Variants in JCAD observed in about 807,000 individuals in gnomAD.
JCAD encodes the protein junctional cadherin 5 associated.
Under a neutral mutation model 98.0 loss-of-function variants are expected in JCAD, and 40 were observed. That is an observed-to-expected ratio of 0.41 (90% CI 0.32 to 0.53). The LOEUF (loss-of-function observed/expected upper bound fraction) is 0.53, where lower values mean the gene tolerates loss of function less well. Among genes scored for constraint, JCAD ranks in the 20% least tolerant of loss-of-function variants. The pLI is 0.31. For synonymous variants in JCAD, 691 were observed against 682.3 expected, an observed-to-expected ratio of 1.01 and a Z score of -0.20; for missense variants, 1,705 against 1,738.1, an observed-to-expected ratio of 0.98 and a Z score of 0.34.
intron 1 of JCAD, among the ~76,000 whole-genome samples, chr10:30,097,375 C>T (rs1007794545): frequency 6.6e-6 from 1 of 152,140 alleles, no homozygotes; most frequent in Admixed American, 6.6e-5. Context: ...CCATAAAGCC[C>T]ACACTCTAAA....
intron 1 of JCAD, among the ~76,000 whole-genome samples, chr10:30,105,884 GT>G (rs1564474335): frequency 1.3e-5 from 2 of 152,142 alleles, no homozygotes; most frequent in Admixed American, 1.3e-4. Flanking sequence ...CAATTTATGT[GT>G]AAAGATCTAA....
Position 30,029,293 on chromosome 10 carries a change from G to A in JCAD, c.855C>T (p.Pro285=). ...SEKSGCSAPF[P]RPKFGRPLKP... ...TGAGGGGCCTCCCAAACTTAGGCCG[G>A]GGAAATGGGGCTGAGCAGCCACTCT... The change falls in exon 3 of 4, where the codon CCC becomes CCT. Residue 285 remains proline, a synonymous_variant. Transcript: ENST00000375377. The A allele has an allele frequency of 6.2e-7, 1 of 1,614,150 alleles. No homozygotes were observed. Among genetic ancestry groups the A allele is most frequent in the Admixed American group, 1.7e-5 (1 of 60,018 alleles).
intron 1 of JCAD, among the ~76,000 whole-genome samples, chr10:30,089,298 G>A (rs759112831): frequency 2.6e-5 from 4 of 152,158 alleles, no homozygotes; most frequent in Non-Finnish European, 5.9e-5. Context: ...CGAGTGCAAC[G>A]TGGCACCACA....
At position 30,026,297 on chromosome 10, in the gene JCAD, T is replaced by A; in HGVS notation, c.3851A>T (p.Asp1284Val). Residue 1284 changes from aspartate (D) to valine (V), a missense_variant, in exon 3 of 4, where the codon GAC becomes GTC. Around this residue, in one of 3 missense-constraint regions of JCAD, gnomAD observed 1,278 missense variants for 1,243.1 expected, o/e 1.03. Transcript: ENST00000375377. The stretch of plus-strand genomic sequence containing the variant: ...TGTGGTGGCCTTCAATTCCTCGGCG[T>A]CCTCCTGGGAGTCGGCATTCCTGAA... ...LSFRNADSQE[D>V]AEELKATTRG... 1 of 1,614,018 alleles carries A rather than the reference T, an allele frequency of 6.2e-7. No individual in the cohort carries two copies. The highest frequency in any genetic ancestry group is 8.5e-7 in the Non-Finnish European group (1 of 1,180,036).
intron 1 of JCAD, among the ~76,000 whole-genome samples, chr10:30,055,470 G>A (rs1182960064): frequency 6.6e-6 from 1 of 152,134 alleles, no homozygotes; most frequent in Middle Eastern, 3.2e-3. Context: ...TTTTTCCTAA[G>A]GGTAGAATTG....
rs1435095343 is a variant in JCAD, at chr10:30,027,957, G to C, written c.2191C>G (p.Gln731Glu). The C allele has an allele frequency of 9.3e-6, 15 of 1,614,248 alleles. No homozygotes were observed. Among genetic ancestry groups the C allele is most frequent in the Non-Finnish European group, 1.3e-5 (15 of 1,180,040 alleles). ...KCSDPAASEA[Q>E]THTAFPTGDH... is the part of the protein sequence containing the mutation. ...CCGGTAGGGAATGCTGTGTGCGTCT[G>C]AGCTTCGGAGGCAGCAGGGTCTGAA... The change falls in exon 3 of 4, where the codon CAG becomes GAG. Residue 731 changes from glutamine (Q) to glutamate (E), a missense_variant. Coordinates refer to ENST00000375377, the MANE Select transcript of JCAD (RefSeq NM_020848.4).
chr10:30,064,155 A>T (rs1805941230), upstream of JCAD, among the ~76,000 whole-genome samples: 1 of 152,140 alleles, frequency 6.6e-6, no homozygotes, highest in Non-Finnish European at 1.5e-5. Context: ...TTCTGCCCTC[A>T]TGAATGGATT....
intron 2 of JCAD, among the ~76,000 whole-genome samples, chr10:30,067,296 G>A (rs185337448): frequency 6.6e-6 from 1 of 152,058 alleles, no homozygotes; most frequent in Non-Finnish European, 1.5e-5. Flanking sequence ...AATACAAGGT[G>A]GAAGGGAGAG....
At chr10:30,022,961 C>G (rs1011609509) in intron 3 of JCAD, among the ~76,000 whole-genome samples, 1 of 152,088 alleles carries the variant, frequency 6.6e-6, no homozygotes, top group Non-Finnish European at 1.5e-5. Flanking sequence ...CCTGCAAGCT[C>G]CATTCATGGT....
At chr10:30,085,510 C>G (rs751817377) in intron 1 of JCAD, among the ~76,000 whole-genome samples, 1 of 152,092 alleles carries the variant, frequency 6.6e-6, no homozygotes, top group Admixed American at 6.6e-5. Context: ...ATTAAGGAAG[C>G]AGTGTGATCA....
intron 1 of JCAD, among the ~76,000 whole-genome samples, chr10:30,105,029 G>A (rs540928314): frequency 3.7e-4 from 57 of 152,296 alleles, no homozygotes; most frequent in African/African-American, 1.3e-3. Flanking sequence ...TTACTTTACA[G>A]ATCAGGAAAT....
chr10:30,021,387 TG>T (rs1342937283), intron 3 of JCAD, among the ~76,000 whole-genome samples: 4 of 152,114 alleles, frequency 2.6e-5, no homozygotes, highest in Non-Finnish European at 5.9e-5. Flanking sequence ...TTTGTAGAGA[TG>T]GGGGTCTCGC....
chr10:30,045,538 AC>A (rs964721797), intron 2 of JCAD, among the ~76,000 whole-genome samples: 2 of 152,204 alleles, frequency 1.3e-5, no homozygotes, highest in African/African-American at 4.8e-5. Context: ...GTACAAATAT[AC>A]TCAGCAGAAA....
chr10:30,026,304 G>T lies in JCAD; in HGVS notation c.3844C>A (p.Gln1282Lys). The part of the protein sequence containing the change: ...RVLSFRNADS[Q>K]EDAEELKATT... ...GCCTTCAATTCCTCGGCGTCCTCCT[G>T]GGAGTCGGCATTCCTGAAGCTCAGG... The change falls in exon 3 of 4, where the codon CAG becomes AAG. Residue 1282 changes from glutamine (Q) to lysine (K), a missense_variant. Physicochemically the swap from Gln to Lys is moderately conservative, Grantham distance 53 (BLOSUM62 1). This residue lies in a region of JCAD where 1,278 missense variants were observed against 1,243.1 expected (regional missense o/e 1.03). Coordinates refer to ENST00000375377, the MANE Select transcript of JCAD (RefSeq NM_020848.4). The T allele has an allele frequency of 6.2e-7, 1 of 1,614,028 alleles. No homozygotes were observed. The highest frequency in any genetic ancestry group is 8.5e-7 in the Non-Finnish European group (1 of 1,180,032).
chr10:30,026,333 C>G lies in JCAD; in HGVS notation c.3815G>C (p.Arg1272Thr). ...GTCGGCATTCCTGAAGCTCAGGACT[C>G]TCATCCGTGACACTGAGCTCACCTC... Reference protein sequence around the residue: ...MKEVSSVSRMRVLSFRNADSQ... With the variant: ...MKEVSSVSRMTVLSFRNADSQ... The change falls in exon 3 of 4, where the codon AGA (arginine) becomes ACA (threonine). Residue 1272 changes from arginine to threonine, a missense_variant. Arg to Thr is a moderately conservative substitution (Grantham distance 71). Coordinates refer to ENST00000375377, the MANE Select transcript of JCAD (RefSeq NM_020848.4). The G allele has an allele frequency of 6.2e-7, 1 of 1,614,168 alleles. No individual in the cohort carries two copies. Among genetic ancestry groups the G allele is most frequent in the South Asian group, 1.1e-5 (1 of 91,084 alleles).
chr10:30,084,891 T>C (rs1246632128), intron 1 of JCAD, among the ~76,000 whole-genome samples: 1 of 152,134 alleles, frequency 6.6e-6, no homozygotes, highest in East Asian at 1.9e-4. Flanking sequence ...ACACATCCTG[T>C]TGGTTCTGCT....
chr10:30,088,236 A>C (rs1838197399), intron 1 of JCAD, among the ~76,000 whole-genome samples: 1 of 152,254 alleles, frequency 6.6e-6, no homozygotes, highest in Admixed American at 6.5e-5. Flanking sequence ...ATAGGAAGTC[A>C]GTCTGACTGT....
At chr10:30,082,795 G>C (rs1210184080) in intron 1 of JCAD, among the ~76,000 whole-genome samples, 1 of 145,720 alleles carries the variant, frequency 6.9e-6, no homozygotes, top group African/African-American at 2.5e-5. Flanking sequence ...AGGTTGCGGT[G>C]AGCCAAGATC....
intron 3 of JCAD, among the ~76,000 whole-genome samples, chr10:30,022,090 G>A (rs1032409137): frequency 6.6e-6 from 1 of 152,206 alleles, no homozygotes; most frequent in African/African-American, 2.4e-5. Flanking sequence ...CCGAATTGGA[G>A]CATCAGTCAT....
Sources: gnomAD v4.1 joint callset for allele counts (sites outside exome capture counted in the v4.1 genomes callset) on GRCh38, gnomAD v4.1.1 for gene constraint, gnomAD v4.1.1 regional missense constraint, MANE v1.5 for transcripts, NCBI Gene and HGNC (gene_info 2026-07-23, HGNC 2026-07-21) for gene names.